Variants in LPP observed in about 807,000 individuals in gnomAD.
The protein encoded by LPP is lipoma-preferred partner.
Under a neutral mutation model 60.4 loss-of-function variants are expected in LPP, and 38 were observed. The ratio of observed to expected loss-of-function variants is 0.63; its 90% CI spans 0.49 to 0.83. The LOEUF is 0.83. Ranked by LOEUF, LPP falls within the 40% of genes least tolerant of loss-of-function variation. The probability of loss-of-function intolerance (pLI) is 0.00; values close to 1 mark genes in which losing one functional copy is unlikely to be tolerated. For synonymous variants in LPP, 328 were observed against 290.8 expected, an observed-to-expected ratio of 1.13 and a Z score of -1.30; for missense variants, 902 against 783.6, an observed-to-expected ratio of 1.15 and a Z score of -1.80.
intron 4 of LPP, among the ~76,000 whole-genome samples, chr3:188,431,426 G>A (rs1040580151): frequency 2.0e-5 from 3 of 152,148 alleles, no homozygotes; most frequent in African/African-American, 7.2e-5. Flanking sequence ...AACCCTAGGA[G>A]CACGAGACAG....
chr3:188,871,829 C>T lies in LPP; in HGVS notation c.1590-814C>T, dbSNP rs138135630. Reference sequence around the variant, plus strand: ...GTCATAGAAAAAAAATTGTTAGGTACCATTGATCATATTGAGAAATACTAA... The same window carrying T: ...GTCATAGAAAAAAAATTGTTAGGTATCATTGATCATATTGAGAAATACTAA... On this transcript the variant is annotated intron_variant, in intron 10 of 11. Coordinates refer to ENST00000617246, the MANE Select transcript of LPP (RefSeq NM_001375462.1). Among the ~76,000 whole-genome samples the T allele has an allele frequency of 1.6e-3, 248 of 152,110 alleles. 7 individuals carry two copies. In the East Asian group the frequency reaches 0.042, roughly 26 times the overall value.
chr3:188,438,398 CACAG>C (rs1792908065), intron 4 of LPP, among the ~76,000 whole-genome samples: 3 of 149,476 alleles, frequency 2.0e-5, no homozygotes, highest in Admixed American at 2.0e-4. Flanking sequence ...CACACACACA[CACAG>C]TCTCATTTAA....
intron 9 of LPP, among the ~76,000 whole-genome samples, chr3:188,773,777 C>T (rs903303396): frequency 6.6e-6 from 1 of 151,928 alleles, no homozygotes; most frequent in Non-Finnish European, 1.5e-5. Flanking sequence ...CACATGTACA[C>T]GTAGTTTCTC....
intron 10 of LPP, among the ~76,000 whole-genome samples, chr3:188,867,295 AT>A (rs1431043295): frequency 6.8e-6 from 1 of 148,000 alleles, no homozygotes; most frequent in East Asian, 1.9e-4. Flanking sequence ...ATGTAAATAT[AT>A]TTTTATATAT....
chr3:188,471,997 G>A (rs761086449), intron 4 of LPP, among the ~76,000 whole-genome samples: 9 of 152,120 alleles, frequency 5.9e-5, no homozygotes, highest in Non-Finnish European at 1.2e-4. Flanking sequence ...ATCTCTTGGA[G>A]CCTAATGTTC....
chr3:188,546,924 A>G (rs1826797982), intron 6 of LPP, among the ~76,000 whole-genome samples: 1 of 152,238 alleles, frequency 6.6e-6, no homozygotes, highest in African/African-American at 2.4e-5. Context: ...ATTACAATCA[A>G]GGGGAACACA....
intron 2 of LPP, among the ~76,000 whole-genome samples, chr3:188,300,454 A>ATTTTTTTTTTTT (rs34492581): frequency 8.0e-6 from 1 of 125,230 alleles, no homozygotes; most frequent in African/African-American, 2.9e-5. Flanking sequence ...ACACTTGGCC[A>ATTTTTTTTTTTT]TTTTTTTTTT....
At chr3:188,687,628 G>T (rs1028308011) in intron 7 of LPP, among the ~76,000 whole-genome samples, 2 of 152,076 alleles carry the variant, frequency 1.3e-5, no homozygotes, top group Admixed American at 6.6e-5. Context: ...AACCTCTTTA[G>T]AAATTACCCA....
intron 6 of LPP, among the ~76,000 whole-genome samples, chr3:188,567,424 T>G (rs1049639951): frequency 6.6e-6 from 1 of 151,904 alleles, no homozygotes; most frequent in African/African-American, 2.4e-5. Flanking sequence ...ATCCTATGAT[T>G]GATGTGGTAA....
At chr3:188,394,953 A>G (rs1039022844) in intron 3 of LPP, among the ~76,000 whole-genome samples, 11 of 151,540 alleles carry the variant, frequency 7.3e-5, no homozygotes, top group African/African-American at 2.7e-4. Context: ...TCTTACAAAA[A>G]CTAGTGAGAA....
intron 9 of LPP, among the ~76,000 whole-genome samples, chr3:188,830,072 T>C (rs1156741904): frequency 1.3e-5 from 2 of 151,176 alleles, no homozygotes; most frequent in African/African-American, 4.9e-5. Flanking sequence ...TCATCATGTA[T>C]AAATGTAAGA....
At chr3:188,215,513 A>G (rs901890618) in intron 1 of LPP, among the ~76,000 whole-genome samples, 1 of 152,130 alleles carries the variant, frequency 6.6e-6, no homozygotes, top group Non-Finnish European at 1.5e-5. Flanking sequence ...TTCTGTATCT[A>G]AGTGGAATCA....
At chr3:188,370,795 C>G (rs1772813779) in intron 3 of LPP, among the ~76,000 whole-genome samples, 1 of 152,160 alleles carries the variant, frequency 6.6e-6, no homozygotes, top group South Asian at 2.1e-4. Flanking sequence ...TAGGGGAAAC[C>G]TGTTTCAAGC....
intron 6 of LPP, among the ~76,000 whole-genome samples, chr3:188,588,960 T>TATAGTTGCA (rs1256555157): frequency 6.6e-6 from 1 of 152,096 alleles, no homozygotes; most frequent in Non-Finnish European, 1.5e-5. Context: ...TTTGCAACTA[T>TATAGTTGCA]ACTTTATAGT....
At chr3:188,639,359 A>C (rs1307686176) in intron 7 of LPP, among the ~76,000 whole-genome samples, 1 of 150,406 alleles carries the variant, frequency 6.6e-6, no homozygotes, top group Non-Finnish European at 1.5e-5. Context: ...TTATACAAAA[A>C]TCAATTCAAG....
intron 3 of LPP, among the ~76,000 whole-genome samples, chr3:188,388,332 A>G (rs1578530788): frequency 6.6e-6 from 1 of 152,354 alleles, no homozygotes; most frequent in East Asian, 1.9e-4. Flanking sequence ...TCTCAGGTCA[A>G]TTATTCTTGA....
At chr3:188,821,854 A>G (rs557607738) in intron 9 of LPP, among the ~76,000 whole-genome samples, 67 of 152,200 alleles carry the variant, frequency 4.4e-4, no homozygotes, top group Non-Finnish European at 2.4e-4. Context: ...ATTCTTACAT[A>G]TTAATGTTGC....
chr3:188,527,611 A>G (rs187685589), intron 6 of LPP, among the ~76,000 whole-genome samples: 3 of 152,270 alleles, frequency 2.0e-5, no homozygotes, highest in Non-Finnish European at 4.4e-5. Flanking sequence ...CTTTCTGACC[A>G]TTGCTTGATG....
chr3:188,247,425 A>G (rs1359937390), intron 2 of LPP, among the ~76,000 whole-genome samples: 1 of 152,210 alleles, frequency 6.6e-6, no homozygotes, highest in Non-Finnish European at 1.5e-5. Context: ...ACATTTATTA[A>G]TAATTTTTTC....
Sources: allele counts gnomAD v4.1 joint callset (sites outside exome capture counted in the v4.1 genomes callset), GRCh38; gene constraint gnomAD v4.1.1; transcripts MANE v1.5; gene names NCBI Gene and HGNC (gene_info 2026-07-23, HGNC 2026-07-21).